Variants in TRPS1 observed in about 807,000 individuals in gnomAD.
The protein encoded by TRPS1 is transcriptional repressor GATA binding 1.
A neutral mutation model predicts 101.2 loss-of-function variants in TRPS1; 6 were observed. The ratio of observed to expected loss-of-function variants is 0.06; its 90% CI spans 0.03 to 0.12. The LOEUF (loss-of-function observed/expected upper bound fraction) is 0.12. TRPS1 is among the 10% of genes least tolerant of loss of function. TRPS1 has a pLI of 1.00. For synonymous variants in TRPS1, 578 were observed against 589.8 expected, an observed-to-expected ratio of 0.98 and a Z score of 0.29; for missense variants, 1,363 against 1,567.0, an observed-to-expected ratio of 0.87 and a Z score of 2.20.
At chr8:115,516,572 T>G (rs1465643815) in intron 5 of TRPS1, among the ~76,000 whole-genome samples, 2 of 151,640 alleles carry the variant, frequency 1.3e-5, no homozygotes, top group African/African-American at 4.8e-5. Flanking sequence ...TAAAAACAAG[T>G]AAAACAGGAT....
In TRPS1 at chr8:115,610,212, C is replaced by G. The variant is rs117766937; in HGVS notation, c.967-5210G>C. ...GAACTTGAGGTTATGGGCTGATAGT[C>G]AAAGAGGTAAAAGCTTAAAAATAAA... On this transcript the variant is annotated intron_variant, in intron 3 of 6. Transcript: ENST00000395715. 3.8e-4 allele frequency among the ~76,000 whole-genome samples: 58 copies of G among 151,618 alleles called. No homozygotes were observed. In the East Asian group the frequency reaches 0.011, roughly 28 times the overall value.
At chr8:115,539,117 T>C (rs1224771903) in intron 5 of TRPS1, among the ~76,000 whole-genome samples, 1 of 152,154 alleles carries the variant, frequency 6.6e-6, no homozygotes, top group Non-Finnish European at 1.5e-5. Flanking sequence ...ATTCAGCTAA[T>C]GTATTGAGGG....
chr8:115,638,574 A>T (rs1044950614), intron 1 of TRPS1, among the ~76,000 whole-genome samples: 2 of 152,166 alleles, frequency 1.3e-5, no homozygotes, highest in African/African-American at 4.8e-5. Flanking sequence ...TCCAAAAGCA[A>T]ATCTGGGCAA....
chr8:115,572,606 C>T (rs1207046166), intron 5 of TRPS1, among the ~76,000 whole-genome samples: 3 of 152,092 alleles, frequency 2.0e-5, no homozygotes, highest in African/African-American at 7.2e-5. Context: ...GGTAATGCTG[C>T]TCCTATAATA....
At chr8:115,596,829 A>G (rs1159225196) in intron 4 of TRPS1, among the ~76,000 whole-genome samples, 1 of 151,906 alleles carries the variant, frequency 6.6e-6, no homozygotes, top group Non-Finnish European at 1.5e-5. Flanking sequence ...GTATATCATA[A>G]ACATATAACA....
At chr8:115,591,729 A>T (rs1257223363) in intron 4 of TRPS1, among the ~76,000 whole-genome samples, 6 of 152,216 alleles carry the variant, frequency 3.9e-5, no homozygotes, top group African/African-American at 9.6e-5. Flanking sequence ...CAGAAAGTGC[A>T]GGGGTAAGTT....
At chr8:115,493,506 C>T (rs1815078297) in intron 5 of TRPS1, among the ~76,000 whole-genome samples, 1 of 152,052 alleles carries the variant, frequency 6.6e-6, no homozygotes, top group Non-Finnish European at 1.5e-5. Flanking sequence ...TGCGCCATGA[C>T]GCCCAGCTAA....
intron 1 of TRPS1, among the ~76,000 whole-genome samples, chr8:115,667,559 C>A (rs2130642414): frequency 6.6e-6 from 1 of 152,304 alleles, no homozygotes; most frequent in South Asian, 2.1e-4. Flanking sequence ...GCGCATCAAC[C>A]GCATCGCAGA....
chr8:115,579,577 T>C (rs1041784442), intron 5 of TRPS1, among the ~76,000 whole-genome samples: 6 of 152,062 alleles, frequency 3.9e-5, no homozygotes, highest in Non-Finnish European at 1.5e-5. Flanking sequence ...TTCCATTTTG[T>C]ACCTAAATTC....
chr8:115,510,538 C>T (rs190240236), intron 5 of TRPS1, among the ~76,000 whole-genome samples: 6 of 152,026 alleles, frequency 3.9e-5, no homozygotes, highest in South Asian at 2.1e-4. Context: ...CCCAAAAGAA[C>T]ATCGAACTTC....
chr8:115,483,969 G>T (rs948709848), intron 5 of TRPS1, among the ~76,000 whole-genome samples: 12 of 152,122 alleles, frequency 7.9e-5, no homozygotes, highest in African/African-American at 2.9e-4. Context: ...TGCTTTCACA[G>T]AAAAATGTGT....
chr8:115,468,302 G>A (rs1386514989), intron 5 of TRPS1, among the ~76,000 whole-genome samples: 1 of 152,056 alleles, frequency 6.6e-6, no homozygotes, highest in African/African-American at 2.4e-5. Flanking sequence ...TTACATAAAC[G>A]GGATATTTGC....
chr8:115,535,159 A>AGCATATATATC (rs1816256709), intron 5 of TRPS1, among the ~76,000 whole-genome samples: 1 of 147,642 alleles, frequency 6.8e-6, no homozygotes, highest in African/African-American at 2.5e-5. Flanking sequence ...GCATATGTAT[A>AGCATATATATC]GCATATGTAT....
intron 5 of TRPS1, among the ~76,000 whole-genome samples, chr8:115,545,194 G>A (rs1466578206): frequency 6.6e-6 from 1 of 152,166 alleles, no homozygotes; most frequent in African/African-American, 2.4e-5. Flanking sequence ...ATCAAATGCA[G>A]TCAAGCACAG....
At chr8:115,475,724 T>C (rs975367636) in intron 5 of TRPS1, among the ~76,000 whole-genome samples, 2 of 152,194 alleles carry the variant, frequency 1.3e-5, no homozygotes, top group African/African-American at 4.8e-5. Flanking sequence ...ATGTATCATG[T>C]AATGAATGCA....
At chr8:115,606,514 C>T (rs1007991021) in intron 3 of TRPS1, among the ~76,000 whole-genome samples, 1 of 152,088 alleles carries the variant, frequency 6.6e-6, no homozygotes, top group Non-Finnish European at 1.5e-5. Context: ...ATAACCAGAA[C>T]CCCAATCACA....
At chr8:115,459,356 C>T (rs1372443334) in intron 5 of TRPS1, among the ~76,000 whole-genome samples, 1 of 133,326 alleles carries the variant, frequency 7.5e-6, no homozygotes, top group Non-Finnish European at 1.8e-5. Context: ...AATGATGTTA[C>T]CTTTTCTTTT....
At chr8:115,628,681 C>G (rs977572840) in intron 1 of TRPS1, among the ~76,000 whole-genome samples, 3 of 151,720 alleles carry the variant, frequency 2.0e-5, no homozygotes, top group South Asian at 2.1e-4. Flanking sequence ...CTATAAGAAC[C>G]TTTTCTGAAA....
chr8:115,435,749 G>A (rs1813431670), intron 5 of TRPS1, among the ~76,000 whole-genome samples: 1 of 149,584 alleles, frequency 6.7e-6, no homozygotes, highest in African/African-American at 2.5e-5. Flanking sequence ...AGCTTCCTCA[G>A]GTGGTGGTTT....
Sources: gnomAD v4.1 joint callset for allele counts (sites outside exome capture counted in the v4.1 genomes callset) on GRCh38, gnomAD v4.1.1 for gene constraint, MANE v1.5 for transcripts, NCBI Gene and HGNC (gene_info 2026-07-23, HGNC 2026-07-21) for gene names.